Variants in RABGAP1L observed in about 807,000 individuals in gnomAD.
RABGAP1L encodes rab GTPase-activating protein 1-like.
In RABGAP1L, 63 loss-of-function variants were observed where a neutral mutation model predicts 137.7. The ratio of observed to expected loss-of-function variants is 0.46; its 90% CI spans 0.37 to 0.56. RABGAP1L has a LOEUF of 0.56. Ranked by LOEUF, RABGAP1L falls within the 20% of genes least tolerant of loss-of-function variation. The pLI, the probability that RABGAP1L is intolerant of heterozygous loss-of-function variation, is 0.00. For synonymous variants in RABGAP1L, 431 were observed against 433.7 expected, an observed-to-expected ratio of 0.99 and a Z score of 0.08; for missense variants, 1,095 against 1,244.0, an observed-to-expected ratio of 0.88 and a Z score of 1.80.
intron 19 of RABGAP1L, among the ~76,000 whole-genome samples, chr1:174,899,467 A>G (rs111706451): frequency 0.011 from 1,679 of 152,326 alleles, 20 homozygotes; most frequent in Non-Finnish European, 0.016. Context: ...TAGGCCAATT[A>G]TTTAAACTTG....
intron 1 of RABGAP1L, among the ~76,000 whole-genome samples, chr1:174,202,576 A>G (rs1308434999): frequency 4.6e-5 from 7 of 151,986 alleles, no homozygotes; most frequent in African/African-American, 9.7e-5. Context: ...AGTAGGTTGC[A>G]AAAATTTTCT....
At position 174,941,186 on chromosome 1, in the gene RABGAP1L, C is replaced by G. The variant is rs990657909; in HGVS notation, c.2341-16271C>G. 9.2e-5 allele frequency among the ~76,000 whole-genome samples: 14 copies of G among 152,194 alleles called. No homozygotes were observed. The East Asian group carries it at 2.7e-3, about 29-fold the overall frequency. ...CCCTCCCTATACCCCTCTCATAGCCCTATCCTACTGTAATACAATCTGTAA... is the reference window on the plus strand; with the variant it reads ...CCCTCCCTATACCCCTCTCATAGCCGTATCCTACTGTAATACAATCTGTAA... On this transcript the variant is annotated intron_variant, in intron 19 of 25. Coordinates refer to ENST00000681986, the MANE Select transcript of RABGAP1L (RefSeq NM_001366446.1).
At chr1:174,949,495 CT>C (rs1667403496) in intron 19 of RABGAP1L, among the ~76,000 whole-genome samples, 1 of 152,098 alleles carries the variant, frequency 6.6e-6, no homozygotes, top group Admixed American at 6.6e-5. Flanking sequence ...ACAATGGTGA[CT>C]TGTGGGTTTC....
chr1:174,441,063 T>C (rs1212417465), intron 13 of RABGAP1L, among the ~76,000 whole-genome samples: 1 of 149,610 alleles, frequency 6.7e-6, no homozygotes, highest in Non-Finnish European at 1.5e-5. Context: ...ATTATATATA[T>C]ATATAAAGAA....
chr1:174,816,734 C>CTTTTTTT (rs59080997), intron 19 of RABGAP1L, among the ~76,000 whole-genome samples: 1 of 138,314 alleles, frequency 7.2e-6, no homozygotes, highest in Non-Finnish European at 1.5e-5. Context: ...AGAAACAAGT[C>CTTTTTTT]TTTTTTTTTT....
intron 13 of RABGAP1L, among the ~76,000 whole-genome samples, chr1:174,440,871 C>T (rs528150746): frequency 6.6e-6 from 1 of 152,010 alleles, no homozygotes; most frequent in Admixed American, 6.6e-5. Context: ...ATTTGTTTAC[C>T]TTCTTTGATA....
intron 18 of RABGAP1L, among the ~76,000 whole-genome samples, chr1:174,783,410 C>T (rs952031515): frequency 1.3e-5 from 2 of 152,102 alleles, no homozygotes; most frequent in Admixed American, 6.6e-5. Flanking sequence ...CAGCCGTCAC[C>T]ATCTTGGGAG....
chr1:174,698,124 A>G (rs775364192), intron 15 of RABGAP1L, among the ~76,000 whole-genome samples: 1 of 152,246 alleles, frequency 6.6e-6, no homozygotes, highest in East Asian at 1.9e-4. Context: ...ATGAAATACC[A>G]TAATCAACCA....
intron 7 of RABGAP1L, among the ~76,000 whole-genome samples, chr1:174,270,577 G>C (rs1031600325): frequency 6.6e-6 from 1 of 151,776 alleles, no homozygotes; most frequent in African/African-American, 2.4e-5. Flanking sequence ...ATCTGCACTT[G>C]TAATCCTTAT....
intron 20 of RABGAP1L, among the ~76,000 whole-genome samples, chr1:174,961,436 T>C (rs1333817584): frequency 1.3e-5 from 2 of 152,242 alleles, no homozygotes; most frequent in African/African-American, 4.8e-5. Context: ...CTAGTGATGG[T>C]ATCAGTTGCT....
intron 13 of RABGAP1L, among the ~76,000 whole-genome samples, chr1:174,615,669 C>T (rs1468301402): frequency 2.0e-5 from 3 of 152,170 alleles, no homozygotes; most frequent in Non-Finnish European, 4.4e-5. Flanking sequence ...TGTGTGTGCC[C>T]TGCCCCCAGA....
At chr1:174,239,397 A>G (rs1671585671) in intron 4 of RABGAP1L, among the ~76,000 whole-genome samples, 1 of 152,014 alleles carries the variant, frequency 6.6e-6, no homozygotes, top group Non-Finnish European at 1.5e-5. Context: ...TTCTTATAGG[A>G]CTTACCAGTC....
chr1:174,677,141 G>T (rs187604013), intron 14 of RABGAP1L, among the ~76,000 whole-genome samples: 1 of 126,836 alleles, frequency 7.9e-6, no homozygotes, highest in Non-Finnish European at 1.6e-5. Flanking sequence ...AGGCAACATA[G>T]TGAGACCCCA....
intron 17 of RABGAP1L, among the ~76,000 whole-genome samples, chr1:174,727,253 A>T (rs961113064): frequency 1.3e-5 from 2 of 152,192 alleles, no homozygotes; most frequent in African/African-American, 4.8e-5. Flanking sequence ...TATTTCAAAG[A>T]CACCTTTGTT....
At chr1:174,398,501 C>G (rs945834275) in intron 13 of RABGAP1L, among the ~76,000 whole-genome samples, 1 of 152,060 alleles carries the variant, frequency 6.6e-6, no homozygotes, top group African/African-American at 2.4e-5. Flanking sequence ...GGGCCCACCA[C>G]AAATAACAAT....
intron 19 of RABGAP1L, among the ~76,000 whole-genome samples, chr1:174,890,137 C>G (rs1004299851): frequency 2.6e-5 from 4 of 152,214 alleles, no homozygotes; most frequent in Non-Finnish European, 5.9e-5. Context: ...ATGTATACCT[C>G]CTACGTGCAT....
intron 17 of RABGAP1L, among the ~76,000 whole-genome samples, chr1:174,742,254 C>T (rs900565143): frequency 6.6e-6 from 1 of 151,722 alleles, no homozygotes; most frequent in Non-Finnish European, 1.5e-5. Context: ...TGCGGTGGCT[C>T]AGCTTGTAAT....
At chr1:174,362,949 G>C (rs1684275802) in intron 11 of RABGAP1L, among the ~76,000 whole-genome samples, 1 of 152,130 alleles carries the variant, frequency 6.6e-6, no homozygotes, top group Non-Finnish European at 1.5e-5. Context: ...AATCTATCTT[G>C]AGTTGATTTT....
intron 11 of RABGAP1L, among the ~76,000 whole-genome samples, chr1:174,349,649 T>C (rs1355901214): frequency 2.8e-5 from 3 of 106,218 alleles, no homozygotes; most frequent in African/African-American, 1.1e-4. Flanking sequence ...CCCCCCCACC[T>C]CCCTCCCGGA....
Sources: allele counts gnomAD v4.1 joint callset (sites outside exome capture counted in the v4.1 genomes callset), GRCh38; gene constraint gnomAD v4.1.1; transcripts MANE v1.5; gene names NCBI Gene and HGNC (gene_info 2026-07-23, HGNC 2026-07-21).